The following LRP1B variants were observed in gnomAD, a reference collection of about 807,000 sequenced individuals.
LRP1B encodes the protein LDL receptor related protein 1B.
In LRP1B, 217 loss-of-function variants were observed where a neutral mutation model predicts 556.6. That is an observed-to-expected ratio of 0.39 (90% CI 0.35 to 0.44). The LOEUF (loss-of-function observed/expected upper bound fraction) is 0.44, where lower values mean the gene tolerates loss of function less well. Ranked by LOEUF, LRP1B falls within the 20% of genes least tolerant of loss-of-function variation. The pLI, the probability that LRP1B is intolerant of heterozygous loss-of-function variation, is 1.00. For missense variants in LRP1B, 5,053 were observed against 5,620.8 expected (o/e 0.90, Z 3.23); for synonymous variants, 2,047 against 1,865.8 (o/e 1.10, Z -2.50).
At chr2:141,528,927 G>C (rs759323278) in intron 2 of LRP1B, among the ~76,000 whole-genome samples, 17 of 152,104 alleles carry the variant, frequency 1.1e-4, no homozygotes, top group Non-Finnish European at 2.1e-4. Flanking sequence ...AATTCTAACT[G>C]CATTTTGTTT....
intron 1 of LRP1B, among the ~76,000 whole-genome samples, chr2:142,107,472 C>A (rs1296242960): frequency 1.3e-5 from 2 of 152,130 alleles, no homozygotes; most frequent in Non-Finnish European, 2.9e-5. Flanking sequence ...CCACCAGATG[C>A]TGACACCTTA....
intron 41 of LRP1B, among the ~76,000 whole-genome samples, chr2:140,637,340 C>A (rs2105290031): frequency 6.6e-6 from 1 of 152,286 alleles, no homozygotes; most frequent in African/African-American, 2.4e-5. Flanking sequence ...CCTTAGTCAA[C>A]ATAACTGGTA....
intron 24 of LRP1B, among the ~76,000 whole-genome samples, chr2:140,885,406 A>G (rs1693605097): frequency 6.6e-6 from 1 of 151,518 alleles, no homozygotes. Context: ...GCTGGAGTAC[A>G]ATGAAATGAT....
At chr2:140,282,576 A>T (rs889450116) in intron 84 of LRP1B, among the ~76,000 whole-genome samples, 10 of 151,730 alleles carry the variant, frequency 6.6e-5, no homozygotes, top group African/African-American at 2.4e-4. Context: ...AAAGTATCCC[A>T]TCTCTGTGGA....
intron 3 of LRP1B, among the ~76,000 whole-genome samples, chr2:141,449,256 C>T (rs1396079051): frequency 6.6e-6 from 1 of 152,150 alleles, no homozygotes; most frequent in Non-Finnish European, 1.5e-5. Flanking sequence ...TTGCATAGCA[C>T]ATTTATGACA....
chr2:140,627,212 CT>C (rs1370478976), intron 41 of LRP1B, among the ~76,000 whole-genome samples: 1 of 152,088 alleles, frequency 6.6e-6, no homozygotes, highest in East Asian at 1.9e-4. Flanking sequence ...TGAGTGTCGA[CT>C]TGATTGGATT....
Position 140,776,176 on chromosome 2 carries a change from C to T in LRP1B, c.5422G>A (p.Gly1808Arg), listed in dbSNP as rs372934784. 7 of 1,600,960 alleles carry T rather than the reference C, an allele frequency of 4.4e-6. No individual in the cohort carries two copies. The highest frequency in any genetic ancestry group is 2.7e-5 in the African/African-American group (2 of 73,600). Residue 1808 changes from glycine (G) to arginine (R), a missense_variant, in exon 33 of 91, where the codon GGA becomes AGA. By Grantham distance (125) the Gly-to-Arg change is moderately radical (BLOSUM62 -2). Around this residue, in one of 5 missense-constraint regions of LRP1B, gnomAD observed 3,619 missense variants for 3,931.9 expected, o/e 0.92. Coordinates refer to ENST00000389484, the MANE Select transcript of LRP1B (RefSeq NM_018557.3). The part of the protein sequence containing the change: ...AQLGTCSKRD[G>R]RNPTILRNKT... ...TTCCGTAGGATGGTGGGGTTTCTTC[C>T]GTCTCTTTTGCTGCAGGTTCCTAGC...
At chr2:140,843,726 T>C (rs939390755) in intron 29 of LRP1B, among the ~76,000 whole-genome samples, 1 of 152,148 alleles carries the variant, frequency 6.6e-6, no homozygotes, top group Non-Finnish European at 1.5e-5. Flanking sequence ...ATCATGTCTC[T>C]TGTGTATCTC....
chr2:140,349,096 T>G (rs953083179), intron 77 of LRP1B, among the ~76,000 whole-genome samples: 10 of 152,034 alleles, frequency 6.6e-5, no homozygotes, highest in African/African-American at 7.2e-5. Context: ...CTCAGCTCCC[T>G]CACTAGCTGT....
rs577814692 is a variant in LRP1B, at chr2:140,353,284, T to C, written c.11531-212A>G. On this transcript the variant is annotated intron_variant, in intron 75 of 90. Transcript: ENST00000389484. ...AGAAGATTTATCAATTGTCATTGCT[T>C]TTATTAATCCACTTAAAATATTAAA... is the stretch of plus-strand genomic sequence containing the variant. Among the ~76,000 whole-genome samples the C allele has an allele frequency of 3.3e-5, 5 of 152,242 alleles. No homozygotes were observed. In the South Asian group the frequency reaches 1.0e-3, roughly 32 times the overall value.
chr2:141,405,408 C>T (rs1573908022), intron 3 of LRP1B, among the ~76,000 whole-genome samples: 1 of 152,058 alleles, frequency 6.6e-6, no homozygotes, highest in South Asian at 2.1e-4. Flanking sequence ...TATAGAACTA[C>T]ATTAATTTAG....
At chr2:141,373,249 T>A (rs1012675210) in intron 3 of LRP1B, among the ~76,000 whole-genome samples, 1 of 152,056 alleles carries the variant, frequency 6.6e-6, no homozygotes, top group Admixed American at 6.5e-5. Flanking sequence ...TTTTTAAAAA[T>A]TTTTTGTGGC....
chr2:140,284,788 A>G (rs1477332250), intron 84 of LRP1B, among the ~76,000 whole-genome samples: 3 of 69,402 alleles, frequency 4.3e-5, no homozygotes, highest in Non-Finnish European at 8.1e-5. Flanking sequence ...TGATAGATAA[A>G]TAGAGGGATG....
intron 7 of LRP1B, among the ~76,000 whole-genome samples, chr2:141,106,867 G>A (rs778982017): frequency 6.6e-6 from 1 of 152,124 alleles, no homozygotes; most frequent in Non-Finnish European, 1.5e-5. Context: ...CCAGGGCTCT[G>A]ACAAGTTGCT....
chr2:140,766,564 C>T (rs918316612), intron 35 of LRP1B, among the ~76,000 whole-genome samples: 1 of 151,628 alleles, frequency 6.6e-6, no homozygotes, highest in Admixed American at 6.6e-5. Flanking sequence ...CTTAGATTTA[C>T]ATTTAATATT....
intron 2 of LRP1B, among the ~76,000 whole-genome samples, chr2:141,493,018 T>C (rs1384235697): frequency 6.6e-6 from 1 of 152,156 alleles, no homozygotes; most frequent in African/African-American, 2.4e-5. Flanking sequence ...GTTTATTGAG[T>C]ACTTCCTATG....
intron 7 of LRP1B, among the ~76,000 whole-genome samples, chr2:141,139,744 G>A (rs1447943984): frequency 6.6e-6 from 1 of 151,170 alleles, no homozygotes; most frequent in African/African-American, 2.4e-5. Flanking sequence ...ATATATTACT[G>A]GTAGAAATGT....
At chr2:140,596,280 T>C (rs540994325) in intron 43 of LRP1B, among the ~76,000 whole-genome samples, 1 of 152,170 alleles carries the variant, frequency 6.6e-6, no homozygotes, top group African/African-American at 2.4e-5. Flanking sequence ...CTTGACATAA[T>C]GGCGAAAACT....
intron 66 of LRP1B, among the ~76,000 whole-genome samples, chr2:140,436,277 A>T (rs536337795): frequency 6.6e-6 from 1 of 152,322 alleles, no homozygotes; most frequent in African/African-American, 2.4e-5. Context: ...AAGTTTAGAA[A>T]TATACCAGAA....
Sources: gnomAD v4.1 joint callset for allele counts (sites outside exome capture counted in the v4.1 genomes callset) on GRCh38, gnomAD v4.1.1 for gene constraint, gnomAD v4.1.1 regional missense constraint, MANE v1.5 for transcripts, NCBI Gene and HGNC (gene_info 2026-07-23, HGNC 2026-07-21) for gene names.